The following GALNTL6 variants were observed in gnomAD, a reference collection of about 807,000 sequenced individuals.
GALNTL6 encodes the protein polypeptide N-acetylgalactosaminyltransferase-like 6.
In GALNTL6, 46 loss-of-function variants were observed where a neutral mutation model predicts 73.7. The ratio of observed to expected loss-of-function variants is 0.62; its 90% CI spans 0.49 to 0.80. The LOEUF (loss-of-function observed/expected upper bound fraction) is 0.80, where lower values mean the gene tolerates loss of function less well. GALNTL6 is among the 30% of genes least tolerant of loss of function. The pLI, the probability that GALNTL6 is intolerant of heterozygous loss-of-function variation, is 0.00. For missense variants in GALNTL6, 604 were observed against 755.0 expected, an observed-to-expected ratio of 0.80 and a Z score of 2.34; for synonymous variants, 259 against 263.7, an observed-to-expected ratio of 0.98 and a Z score of 0.17.
chr4:171,924,638 A>G (rs1373339358), intron 2 of GALNTL6, among the ~76,000 whole-genome samples: 34 of 152,332 alleles, frequency 2.2e-4, no homozygotes, highest in Non-Finnish European at 1.5e-5. Context: ...CCACCAAAGC[A>G]TAGCACTTGC....
At chr4:171,925,579 G>A (rs1473145105) in intron 2 of GALNTL6, among the ~76,000 whole-genome samples, 1 of 152,080 alleles carries the variant, frequency 6.6e-6, no homozygotes, top group Non-Finnish European at 1.5e-5. Flanking sequence ...CTTAGACTTT[G>A]AATAATTTTT....
At chr4:172,985,882 G>C (rs889136886) in intron 10 of GALNTL6, among the ~76,000 whole-genome samples, 3 of 152,214 alleles carry the variant, frequency 2.0e-5, no homozygotes, top group Non-Finnish European at 4.4e-5. Flanking sequence ...TTGAATTCTT[G>C]TGGCCTCTGG....
chr4:172,658,338 A>G (rs540077884), intron 5 of GALNTL6, among the ~76,000 whole-genome samples: 85 of 124,978 alleles, frequency 6.8e-4, no homozygotes, highest in East Asian at 1.6e-3. Context: ...GTGGTGGCGG[A>G]CGCCTGTATT....
chr4:172,492,124 G>A (rs941555947), intron 5 of GALNTL6, among the ~76,000 whole-genome samples: 2 of 152,034 alleles, frequency 1.3e-5, no homozygotes, highest in South Asian at 2.1e-4. Context: ...CTTAGGTTAG[G>A]TTAAGAAAAA....
At position 172,982,462 on chromosome 4, in the gene GALNTL6, A is replaced by C. The variant is rs199968174; in HGVS notation, c.1372-26716A>C. Among the ~76,000 whole-genome samples the C allele has an allele frequency of 2.6e-5, 4 of 152,350 alleles. No homozygotes were observed. The East Asian group carries it at 7.7e-4, about 29-fold the overall frequency. Reference sequence around the variant, plus strand: ...CATTTCCTCTAGAATTGAGACTGCTATCAAAACAGGCCCTGACATGTTAGC... The same window carrying C: ...CATTTCCTCTAGAATTGAGACTGCTCTCAAAACAGGCCCTGACATGTTAGC... On this transcript the variant is annotated intron_variant, in intron 10 of 12. Transcript: ENST00000506823.
intron 5 of GALNTL6, among the ~76,000 whole-genome samples, chr4:172,450,965 G>T (rs762233520): frequency 5.9e-5 from 9 of 152,068 alleles, no homozygotes; most frequent in Non-Finnish European, 1.0e-4. Context: ...TGTACTTACT[G>T]TCTGTCTTTG....
chr4:171,830,753 A>T (rs1734947357), intron 2 of GALNTL6, among the ~76,000 whole-genome samples: 1 of 152,190 alleles, frequency 6.6e-6, no homozygotes, highest in Admixed American at 6.5e-5. Context: ...GATATGGATT[A>T]TTTAAATAAC....
intron 5 of GALNTL6, among the ~76,000 whole-genome samples, chr4:172,778,331 A>G (rs1291559626): frequency 3.3e-5 from 5 of 152,244 alleles, no homozygotes; most frequent in South Asian, 4.1e-4. Context: ...CCCACCTGCC[A>G]TAAGTGTAAT....
intron 2 of GALNTL6, among the ~76,000 whole-genome samples, chr4:171,907,405 G>C (rs1737325240): frequency 1.3e-5 from 2 of 151,972 alleles, no homozygotes; most frequent in South Asian, 4.1e-4. Context: ...TTGCTTCAAA[G>C]AGAATAAAAT....
chr4:171,824,763 A>G (rs1734779212), intron 2 of GALNTL6, among the ~76,000 whole-genome samples: 1 of 152,154 alleles, frequency 6.6e-6, no homozygotes, highest in South Asian at 2.1e-4. Context: ...AGATCCATCA[A>G]TGCCTCTTGA....
chr4:173,003,935 T>C (rs1035338715), intron 10 of GALNTL6, among the ~76,000 whole-genome samples: 5 of 152,222 alleles, frequency 3.3e-5, no homozygotes, highest in Non-Finnish European at 7.3e-5. Flanking sequence ...CTCCCTGATA[T>C]ATGTGGGCTC....
chr4:172,956,272 T>G (rs1749750541), intron 10 of GALNTL6, among the ~76,000 whole-genome samples: 1 of 152,028 alleles, frequency 6.6e-6, no homozygotes, highest in African/African-American at 2.4e-5. Flanking sequence ...TGTGGGGTTG[T>G]TAGAAGAAAC....
intron 5 of GALNTL6, among the ~76,000 whole-genome samples, chr4:172,622,896 T>A (rs7693019): frequency 6.6e-6 from 1 of 151,838 alleles, no homozygotes; most frequent in African/African-American, 2.4e-5. Flanking sequence ...AAAATGTATC[T>A]AGAAAACTAA....
At chr4:172,079,698 CTCAAGTTCT>C (rs1211958157) in intron 2 of GALNTL6, among the ~76,000 whole-genome samples, 2 of 151,996 alleles carry the variant, frequency 1.3e-5, no homozygotes, top group Non-Finnish European at 2.9e-5. Flanking sequence ...GGCTTTTCTA[CTCAAGTTCT>C]TCTGTGTATT....
intron 3 of GALNTL6, among the ~76,000 whole-genome samples, chr4:172,251,935 G>A (rs1737895880): frequency 6.6e-6 from 1 of 151,996 alleles, no homozygotes; most frequent in Non-Finnish European, 1.5e-5. Context: ...CTAAAAACGT[G>A]GCTTTCGATT....
chr4:172,546,371 C>A (rs1455126), intron 5 of GALNTL6, among the ~76,000 whole-genome samples: 1 of 152,052 alleles, frequency 6.6e-6, no homozygotes. Flanking sequence ...TCTACCTGCA[C>A]AATGTTGACT....
intron 5 of GALNTL6, among the ~76,000 whole-genome samples, chr4:172,355,306 T>C (rs1032654088): frequency 6.6e-6 from 1 of 152,110 alleles, no homozygotes; most frequent in African/African-American, 2.4e-5. Context: ...ATTTTTTATG[T>C]AGCTAGCTTT....
intron 5 of GALNTL6, among the ~76,000 whole-genome samples, chr4:172,724,805 G>T (rs1427613007): frequency 6.6e-6 from 1 of 152,130 alleles, no homozygotes; most frequent in East Asian, 1.9e-4. Flanking sequence ...AAGAGAAAAA[G>T]AAATAAAAGG....
intron 2 of GALNTL6, among the ~76,000 whole-genome samples, chr4:172,035,377 A>G (rs1741902223): frequency 6.6e-6 from 1 of 152,134 alleles, no homozygotes; most frequent in Non-Finnish European, 1.5e-5. Flanking sequence ...TAATATCAGA[A>G]TAAAAATTGG....
Sources: allele counts gnomAD v4.1 joint callset (sites outside exome capture counted in the v4.1 genomes callset), GRCh38; gene constraint gnomAD v4.1.1; transcripts MANE v1.5; gene names NCBI Gene and HGNC (gene_info 2026-07-23, HGNC 2026-07-21).